SLC25A12: variants seen among roughly 807,000 people sequenced by gnomAD.
The protein encoded by SLC25A12 is solute carrier family 25 member 12.
SLC25A12 carries 32 observed loss-of-function variants against 83.3 expected under a neutral mutation model. The ratio of observed to expected loss-of-function variants is 0.38; its 90% CI spans 0.29 to 0.52. The LOEUF is 0.52. Ranked by LOEUF, SLC25A12 falls within the 20% of genes least tolerant of loss-of-function variation. The probability of loss-of-function intolerance (pLI) is 0.84; values close to 1 mark genes in which losing one functional copy is unlikely to be tolerated. For synonymous variants in SLC25A12, 267 were observed against 291.1 expected, an observed-to-expected ratio of 0.92 and a Z score of 0.84; for missense variants, 611 against 835.6, an observed-to-expected ratio of 0.73 and a Z score of 3.31.
rs535632747 is a variant in SLC25A12 at position 171,858,036 on chromosome 2, T to C, written c.210-2087A>G. The stretch of plus-strand genomic sequence containing the variant: ...ACCAGTGGTCAAAACTACACAGAAA[T>C]TGCCTTCAGTGACCTTACAAAGCCA... On this transcript the variant is annotated intron_variant, in intron 3 of 17. Transcript: ENST00000422440. Among the ~76,000 whole-genome samples the C allele has an allele frequency of 6.6e-5, 10 of 152,198 alleles. No individual in the cohort carries two copies. In the South Asian group the frequency reaches 2.1e-3, roughly 32 times the overall value.
chr2:171,814,181 A>G (rs1395767968), intron 10 of SLC25A12, among the ~76,000 whole-genome samples: 1 of 152,136 alleles, frequency 6.6e-6, no homozygotes, highest in Non-Finnish European at 1.5e-5. Context: ...AAGTCTTTTG[A>G]GTTCAGGCTT....
At chr2:171,841,026 A>G (rs1684661732) in intron 5 of SLC25A12, among the ~76,000 whole-genome samples, 1 of 152,246 alleles carries the variant, frequency 6.6e-6, no homozygotes, top group African/African-American at 2.4e-5. Flanking sequence ...CTAGAATTCA[A>G]TAACCAGCCA....
At chr2:171,789,481 GC>G (rs1345136429) in intron 15 of SLC25A12, among the ~76,000 whole-genome samples, 4 of 152,220 alleles carry the variant, frequency 2.6e-5, no homozygotes, top group African/African-American at 9.6e-5. Context: ...GCCCGCCTTG[GC>G]CTCCCAAAGT....
intron 13 of SLC25A12, among the ~76,000 whole-genome samples, chr2:171,797,027 C>T (rs1157524307): frequency 2.0e-5 from 3 of 151,978 alleles, no homozygotes; most frequent in South Asian, 2.1e-4. Context: ...TTCCTCTCTG[C>T]GAAACAAATA....
chr2:171,787,495 A>C, intron 17 of SLC25A12, 76 bp downstream of exon 17: 1 of 1,157,552 alleles, frequency 8.6e-7, no homozygotes, highest in Non-Finnish European at 1.3e-6. Context: ...AGTTGCAACA[A>C]TGCTTTTGTA....
chr2:171,806,662 T>C (rs1309348256), intron 13 of SLC25A12, among the ~76,000 whole-genome samples: 1 of 152,130 alleles, frequency 6.6e-6, no homozygotes, highest in Non-Finnish European at 1.5e-5. Context: ...AAGGCCTAGG[T>C]CCTAGCTAAT....
In SLC25A12 at chr2:171,785,270, C is replaced by A; in HGVS notation, c.*4G>T. 6.2e-7 allele frequency: 1 copy of A among 1,614,020 alleles called. No homozygotes were observed. The highest frequency in any genetic ancestry group is 1.1e-5 in the South Asian group (1 of 90,968). ...CCATTTTGCCACACTCAACAGTTGT[C>A]TCATCACTGAGTGGCTGCCACTGCT... On this transcript the variant is annotated 3_prime_UTR_variant, in exon 18 of 18. Coordinates refer to ENST00000422440, the MANE Select transcript of SLC25A12 (RefSeq NM_003705.5).
At chr2:171,838,543 T>C (rs1398592012) in intron 5 of SLC25A12, among the ~76,000 whole-genome samples, 2 of 152,328 alleles carry the variant, frequency 1.3e-5, no homozygotes, top group South Asian at 2.1e-4. Context: ...CTTCCCTATA[T>C]GTCTTAATCA....
intron 2 of SLC25A12, among the ~76,000 whole-genome samples, chr2:171,876,543 T>TTGGC (rs1553477080): frequency 2.4e-4 from 7 of 29,562 alleles, no homozygotes; most frequent in East Asian, 2.3e-3. Context: ...TTTTTTTTTT[T>TTGGC]GGGGGGGGGG....
At chr2:171,807,341 C>T (rs1270350855) in intron 13 of SLC25A12, among the ~76,000 whole-genome samples, 2 of 152,162 alleles carry the variant, frequency 1.3e-5, no homozygotes, top group Non-Finnish European at 2.9e-5. Flanking sequence ...GCACAACCCT[C>T]AAGGCAACCC....
chr2:171,841,399 G>A (rs1573974785), intron 5 of SLC25A12, among the ~76,000 whole-genome samples: 1 of 151,658 alleles, frequency 6.6e-6, no homozygotes, highest in East Asian at 2.0e-4. Flanking sequence ...TTTGAGACAG[G>A]GCTCACTCGG....
chr2:171,814,725 TA>T (rs1684015130), intron 10 of SLC25A12, among the ~76,000 whole-genome samples: 2 of 152,192 alleles, frequency 1.3e-5, no homozygotes, highest in Non-Finnish European at 2.9e-5. Flanking sequence ...TTCCCACTTA[TA>T]AATGAGAACA....
At chr2:171,886,723 G>T (rs192797711) in intron 2 of SLC25A12, among the ~76,000 whole-genome samples, 1 of 151,944 alleles carries the variant, frequency 6.6e-6, no homozygotes, top group Non-Finnish European at 1.5e-5. Context: ...TGTTAGCCAG[G>T]ATGGTCTCAA....
intron 15 of SLC25A12, among the ~76,000 whole-genome samples, chr2:171,789,835 A>G (rs1288010606): frequency 6.6e-6 from 1 of 152,022 alleles, no homozygotes; most frequent in African/African-American, 2.4e-5. Flanking sequence ...CAGAGGTTGC[A>G]GTGAGCAGAG....
chr2:171,883,150 G>A (rs977783296), intron 2 of SLC25A12, among the ~76,000 whole-genome samples: 4 of 152,112 alleles, frequency 2.6e-5, no homozygotes, highest in Admixed American at 2.0e-4. Flanking sequence ...TAGTCATCTG[G>A]AGAAGACAAG....
chr2:171,864,401 T>A (rs1477457043), intron 3 of SLC25A12, among the ~76,000 whole-genome samples: 2 of 152,220 alleles, frequency 1.3e-5, no homozygotes, highest in African/African-American at 2.4e-5. Flanking sequence ...TTGAGTAAAC[T>A]GACACTCTAG....
chr2:171,892,183 G>A (rs1391248337), intron 2 of SLC25A12, among the ~76,000 whole-genome samples: 1 of 151,690 alleles, frequency 6.6e-6, no homozygotes, highest in Non-Finnish European at 1.5e-5. Context: ...ATTTCAGAGA[G>A]AAATGCAATA....
At chr2:171,787,719 T>C (rs2292813) in intron 16 of SLC25A12, 58 bp from the exon 17 acceptor site, 1,431,558 of 1,608,480 alleles carry the variant, frequency 0.89, 641,240 homozygotes, top group Non-Finnish European at 0.92. Context: ...GTGGTAAAGA[T>C]AGCCACTGAG....
chr2:171,863,974 A>G (rs2105912505), intron 3 of SLC25A12, among the ~76,000 whole-genome samples: 1 of 152,342 alleles, frequency 6.6e-6, no homozygotes, highest in Non-Finnish European at 1.5e-5. Flanking sequence ...TTGAACACAT[A>G]GTAAATTTCA....
Sources: allele counts gnomAD v4.1 joint callset (sites outside exome capture counted in the v4.1 genomes callset), GRCh38; gene constraint gnomAD v4.1.1; transcripts MANE v1.5; gene names NCBI Gene and HGNC (gene_info 2026-07-23, HGNC 2026-07-21).